Variants in AUTS2 observed in about 807,000 individuals in gnomAD.
AUTS2 encodes autism susceptibility gene 2 protein.
A neutral mutation model predicts 112.4 loss-of-function variants in AUTS2; 17 were observed. The observed-to-expected ratio is 0.15, with a 90% CI of 0.10 to 0.23. The LOEUF (loss-of-function observed/expected upper bound fraction) is 0.23. Among genes scored for constraint, AUTS2 ranks in the 10% least tolerant of loss-of-function variants. The pLI is 1.00. For synonymous variants in AUTS2, 751 were observed against 702.7 expected (o/e 1.07, Z -1.09); for missense variants, 1,510 against 1,701.6 (o/e 0.89, Z 1.98).
chr7:69,816,886 G>A (rs1708127768), intron 1 of AUTS2, among the ~76,000 whole-genome samples: 2 of 152,076 alleles, frequency 1.3e-5, no homozygotes, highest in South Asian at 2.1e-4. Flanking sequence ...TCACTCATTC[G>A]TTCAGCAAGT....
chr7:69,876,068 T>C (rs1793722137), intron 1 of AUTS2, among the ~76,000 whole-genome samples: 1 of 151,582 alleles, frequency 6.6e-6, no homozygotes, highest in Non-Finnish European at 1.5e-5. Context: ...ATTTTAACTT[T>C]AAAAAATATG....
chr7:70,597,553 G>A (rs752418719), intron 5 of AUTS2, among the ~76,000 whole-genome samples: 2 of 152,202 alleles, frequency 1.3e-5, no homozygotes, highest in Non-Finnish European at 2.9e-5. Flanking sequence ...TGCAATTTGG[G>A]AACTAATCTG....
intron 2 of AUTS2, among the ~76,000 whole-genome samples, chr7:70,033,062 G>A (rs1000761747): frequency 4.6e-5 from 7 of 152,078 alleles, no homozygotes; most frequent in African/African-American, 1.7e-4. Flanking sequence ...AGTAACTGCT[G>A]ATAGGTACAG....
intron 5 of AUTS2, among the ~76,000 whole-genome samples, chr7:70,446,509 G>A (rs1796324489): frequency 6.6e-6 from 1 of 152,128 alleles, no homozygotes; most frequent in Non-Finnish European, 1.5e-5. Flanking sequence ...GTTCCTCATG[G>A]ATAATGTGAC....
intron 2 of AUTS2, among the ~76,000 whole-genome samples, chr7:69,908,833 A>T (rs1392643474): frequency 1.3e-5 from 2 of 152,226 alleles, no homozygotes; most frequent in African/African-American, 2.4e-5. Flanking sequence ...TTAGCTACAT[A>T]TTCTGAGTAG....
At chr7:70,074,464 T>G (rs1267107967) in intron 2 of AUTS2, among the ~76,000 whole-genome samples, 1 of 152,232 alleles carries the variant, frequency 6.6e-6, no homozygotes, top group Non-Finnish European at 1.5e-5. Flanking sequence ...TAAAAATGAT[T>G]GTTGAGTCTC....
chr7:70,677,674 C>A (rs1024521489), intron 5 of AUTS2, among the ~76,000 whole-genome samples: 1 of 152,088 alleles, frequency 6.6e-6, no homozygotes, highest in Non-Finnish European at 1.5e-5. Flanking sequence ...CCTCCTGCCT[C>A]GGCCTCCCAA....
At chr7:70,214,934 A>G (rs1811096046) in intron 4 of AUTS2, among the ~76,000 whole-genome samples, 1 of 152,204 alleles carries the variant, frequency 6.6e-6, no homozygotes, top group African/African-American at 2.4e-5. Context: ...TTAACCGTAG[A>G]TGATATCCAG....
At chr7:70,048,784 GT>G (rs1251781267) in intron 2 of AUTS2, among the ~76,000 whole-genome samples, 1 of 152,162 alleles carries the variant, frequency 6.6e-6, no homozygotes, top group African/African-American at 2.4e-5. Flanking sequence ...AATGTGTATT[GT>G]TTGTGGAAAA....
chr7:70,343,040 A>C (rs1481314899), intron 4 of AUTS2, among the ~76,000 whole-genome samples: 1 of 152,254 alleles, frequency 6.6e-6, no homozygotes, highest in Non-Finnish European at 1.5e-5. Flanking sequence ...AACCTAGGGC[A>C]GTATTGAACA....
intron 2 of AUTS2, among the ~76,000 whole-genome samples, chr7:69,932,290 A>G (rs746682940): frequency 2.0e-5 from 3 of 152,174 alleles, no homozygotes; most frequent in Admixed American, 6.5e-5. Flanking sequence ...TCTTTCTTTG[A>G]GTAGAGCATC....
At chr7:70,649,559 C>T (rs1585438538) in intron 5 of AUTS2, among the ~76,000 whole-genome samples, 2 of 150,566 alleles carry the variant, frequency 1.3e-5, no homozygotes, top group East Asian at 2.0e-4. Flanking sequence ...GACGGAGTCT[C>T]GCACTGTCAC....
chr7:70,250,099 C>G (rs2129603752), intron 4 of AUTS2, among the ~76,000 whole-genome samples: 1 of 151,988 alleles, frequency 6.6e-6, no homozygotes, highest in African/African-American at 2.4e-5. Flanking sequence ...ACCCCATTCC[C>G]TTCAAAGCAA....
intron 1 of AUTS2, among the ~76,000 whole-genome samples, chr7:69,757,427 T>G (rs1787985921): frequency 6.6e-6 from 1 of 152,216 alleles, no homozygotes; most frequent in African/African-American, 2.4e-5. Flanking sequence ...TGAATCCCAA[T>G]ATAGTGTTTA....
At chr7:69,666,039 T>A (rs995030445) in intron 1 of AUTS2, among the ~76,000 whole-genome samples, 1 of 152,218 alleles carries the variant, frequency 6.6e-6, no homozygotes, top group African/African-American at 2.4e-5. Flanking sequence ...TATAGTCAAA[T>A]AATACATCTG....
At chr7:69,806,732 A>G (rs1464473561) in intron 1 of AUTS2, among the ~76,000 whole-genome samples, 1 of 152,218 alleles carries the variant, frequency 6.6e-6, no homozygotes, top group Non-Finnish European at 1.5e-5. Flanking sequence ...CCACACAGCT[A>G]GCAAATGGGA....
At position 70,642,641 on chromosome 7, in the gene AUTS2, A is replaced by T. The variant is rs1244040126; in HGVS notation, c.691-55928A>T. Among the ~76,000 whole-genome samples, 3 of 152,240 alleles carry T rather than the reference A, an allele frequency of 2.0e-5. No homozygotes were observed. The East Asian group carries it at 5.8e-4, about 29-fold the overall frequency. ...ACTTCCCTGTGTCCATACTGATGAC[A>T]TTCCTTCCCTACATTCTCAGTGGAA... On this transcript the variant is annotated intron_variant, in intron 5 of 18. Coordinates refer to ENST00000342771, the MANE Select transcript of AUTS2 (RefSeq NM_015570.4).
chr7:70,682,590 C>G (rs772685871), intron 5 of AUTS2, among the ~76,000 whole-genome samples: 4 of 152,206 alleles, frequency 2.6e-5, no homozygotes, highest in Non-Finnish European at 4.4e-5. Context: ...ATGGATGTAT[C>G]TCATCCTGGC....
At chr7:70,721,851 A>C (rs985490332) in intron 6 of AUTS2, among the ~76,000 whole-genome samples, 9 of 152,108 alleles carry the variant, frequency 5.9e-5, no homozygotes, top group African/African-American at 1.9e-4. Context: ...TTTTTTAGAT[A>C]AGTCATTTCA....
Sources: allele counts gnomAD v4.1 joint callset (sites outside exome capture counted in the v4.1 genomes callset), GRCh38; gene constraint gnomAD v4.1.1; transcripts MANE v1.5; gene names NCBI Gene and HGNC (gene_info 2026-07-23, HGNC 2026-07-21).